OTUD7B: variants seen among roughly 807,000 people sequenced by gnomAD.
OTUD7B encodes the protein OTU deubiquitinase 7B, also known as OTU domain-containing protein 7B.
A neutral mutation model predicts 82.2 loss-of-function variants in OTUD7B; 34 were observed. The ratio of observed to expected loss-of-function variants is 0.41; its 90% confidence interval spans 0.31 to 0.55. The LOEUF (loss-of-function observed/expected upper bound fraction) is 0.55. OTUD7B is among the 20% of genes least tolerant of loss of function. OTUD7B has a pLI of 0.20. For missense variants in OTUD7B, 944 were observed against 1,062.1 expected (o/e 0.89, Z 1.55); for synonymous variants, 398 against 402.7 (o/e 0.99, Z 0.14).
At chr1:150,016,181 G>T in the OTUD7B span, among the ~76,000 whole-genome samples, 1 of 152,120 alleles carries the variant, frequency 6.6e-6, no homozygotes, top group South Asian at 2.1e-4. Flanking sequence ...TTCAAATTTA[G>T]TCTTTCTATT....
In OTUD7B at chr1:149,942,130, T is replaced by C; in HGVS notation, c.*1727A>G. 6.6e-6 allele frequency: 1 copy of C among 152,524 alleles called. No homozygotes were observed. The highest frequency in any genetic ancestry group is 1.9e-4 in the East Asian group (1 of 5,202). The allele number at this position is 152,524 out of a possible 1,614,324, so 9.4% of individuals were successfully genotyped here. A position where few individuals can be genotyped will look rare whatever the true frequency, so the allele number is the denominator to read the frequency against. ...TGCACGCACGCACATGCATGCACGC[T>C]CAAGTGCTTTAGATCAAATGTGGGG... On this transcript the variant is annotated 3_prime_UTR_variant, in exon 12 of 12. Transcript: ENST00000581312.
intron 1 of OTUD7B, among the ~76,000 whole-genome samples, chr1:149,979,526 C>A (rs1414720702): frequency 2.0e-5 from 3 of 152,188 alleles, no homozygotes; most frequent in Non-Finnish European, 4.4e-5. Context: ...ACTATAGCCT[C>A]ATGATCTATG....
At chr1:149,954,081 A>G (rs1553774083) in intron 7 of OTUD7B, among the ~76,000 whole-genome samples, 1 of 152,146 alleles carries the variant, frequency 6.6e-6, no homozygotes. Flanking sequence ...TTCTAACACT[A>G]TGTTGAATAG....
At chr1:149,950,446 C>T (rs1384494065) in intron 7 of OTUD7B, among the ~76,000 whole-genome samples, 1 of 152,184 alleles carries the variant, frequency 6.6e-6, no homozygotes, top group Non-Finnish European at 1.5e-5. Context: ...GATTTGAAGG[C>T]TCTAGGGTTA....
the OTUD7B span, among the ~76,000 whole-genome samples, chr1:150,044,673 A>AAAT: frequency 0.061 from 9,064 of 148,980 alleles, 904 homozygotes; most frequent in African/African-American, 0.21. Context: ...CTGTCTCAAA[A>AAAT]AATAATAATA....
At chr1:149,965,173 G>A (rs940518348) in intron 5 of OTUD7B, among the ~76,000 whole-genome samples, 2 of 152,128 alleles carry the variant, frequency 1.3e-5, no homozygotes, top group African/African-American at 4.8e-5. Flanking sequence ...AATTACAGGC[G>A]TGAGCCATTG....
At chr1:150,021,383 G>A in the OTUD7B span, among the ~76,000 whole-genome samples, 1 of 152,158 alleles carries the variant, frequency 6.6e-6, no homozygotes, top group Non-Finnish European at 1.5e-5. Flanking sequence ...AAGCCAGAGG[G>A]TGAATGTAAA....
At chr1:149,998,988 T>A (rs1398010982) in intron 1 of OTUD7B, among the ~76,000 whole-genome samples, 1 of 152,210 alleles carries the variant, frequency 6.6e-6, no homozygotes, top group Non-Finnish European at 1.5e-5. Context: ...ATGTCCTATG[T>A]AACCCAGAAT....
At chr1:149,982,840 ACTT>A (rs1414292041) in intron 1 of OTUD7B, among the ~76,000 whole-genome samples, 6 of 8,546 alleles carry the variant, frequency 7.0e-4, no homozygotes, top group Non-Finnish European at 1.1e-3. Context: ...CTCCTCTCTT[ACTT>A]TTTTTTTTTT....
chr1:150,036,155 T>C, the OTUD7B span, among the ~76,000 whole-genome samples: 3 of 152,048 alleles, frequency 2.0e-5, no homozygotes, highest in African/African-American at 7.2e-5. Context: ...GGTATTGCCA[T>C]GTTGCCCAGG....
intron 7 of OTUD7B, among the ~76,000 whole-genome samples, chr1:149,958,322 CTTTTTTTTTTTTT>C (rs34299927): frequency 2.3e-5 from 2 of 86,392 alleles, no homozygotes; most frequent in South Asian, 5.0e-4. Context: ...AAAGGACTAC[CTTTTTTTTTTTTT>C]TTTTTTTTTT....
intron 7 of OTUD7B, 32 bp downstream of exon 7, chr1:149,959,652 G>GGAGGA: frequency 7.4e-7 from 1 of 1,343,956 alleles, no homozygotes; most frequent in South Asian, 1.2e-5. Flanking sequence ...ACTCTATGCA[G>GGAGGA]GTTTCCTCCT....
intron 7 of OTUD7B, among the ~76,000 whole-genome samples, chr1:149,951,473 T>C (rs1571603123): frequency 6.6e-6 from 1 of 152,308 alleles, no homozygotes; most frequent in African/African-American, 2.4e-5. Flanking sequence ...TCCATGGCCC[T>C]TTCCTGGATT....
At chr1:149,967,215 A>C in intron 4 of OTUD7B, 79 bp downstream of exon 4, 1 of 960,086 alleles carries the variant, frequency 1.0e-6, no homozygotes, top group Middle Eastern at 2.5e-4. Context: ...GAAGCTAGCG[A>C]TCAAGTCCAG....
At chr1:150,009,096 G>A (rs1270431463) in intron 1 of OTUD7B, among the ~76,000 whole-genome samples, 4 of 152,172 alleles carry the variant, frequency 2.6e-5, no homozygotes, top group African/African-American at 4.8e-5. Context: ...AAGACAAAGC[G>A]TATAATTAAT....
intron 1 of OTUD7B, among the ~76,000 whole-genome samples, chr1:149,995,118 C>A (rs1346163203): frequency 6.6e-6 from 1 of 152,146 alleles, no homozygotes; most frequent in Admixed American, 6.5e-5. Context: ...CATTCAAGGA[C>A]CTTTTGAAGA....
chr1:150,036,404 C>T, the OTUD7B span, among the ~76,000 whole-genome samples: 1 of 151,926 alleles, frequency 6.6e-6, no homozygotes, highest in East Asian at 1.9e-4. Flanking sequence ...GGATTACAGG[C>T]ATGTGCCACC....
chr1:149,975,710 G>C (rs1334247120), intron 2 of OTUD7B, among the ~76,000 whole-genome samples: 1 of 151,938 alleles, frequency 6.6e-6, no homozygotes, highest in Non-Finnish European at 1.5e-5. Context: ...GAAGTATAGG[G>C]AAAAGTAGTA....
At chr1:150,053,236 A>C in the OTUD7B span, among the ~76,000 whole-genome samples, 2 of 152,220 alleles carry the variant, frequency 1.3e-5, no homozygotes, top group African/African-American at 4.8e-5. Context: ...CAACAGAGTA[A>C]ACAGACAATC....
Sources: gnomAD v4.1 joint callset for allele counts (sites outside exome capture counted in the v4.1 genomes callset) on GRCh38, gnomAD v4.1.1 for gene constraint, MANE v1.5 for transcripts, NCBI Gene and HGNC (gene_info 2026-07-23, HGNC 2026-07-21) for gene names.